The following MPDZ variants were observed in gnomAD, a reference collection of about 807,000 sequenced individuals.
MPDZ encodes multiple PDZ domain protein.
Under a neutral mutation model 239.1 loss-of-function variants are expected in MPDZ, and 234 were observed. The observed-to-expected ratio is 0.98, with a 90% CI of 0.88 to 1.09. The LOEUF is 1.09. Among genes scored for constraint, MPDZ ranks in the 50% least tolerant of loss-of-function variants. The probability of loss-of-function intolerance (pLI) is 0.00; values close to 1 mark genes in which losing one functional copy is unlikely to be tolerated. For missense variants in MPDZ, 3,175 were observed against 2,510.0 expected (o/e 1.26, Z -5.66); for synonymous variants, 1,048 against 881.3 (o/e 1.19, Z -3.35).
At chr9:13,246,272 T>C (rs1217173298) in intron 3 of MPDZ, among the ~76,000 whole-genome samples, 2 of 152,032 alleles carry the variant, frequency 1.3e-5, no homozygotes, top group African/African-American at 4.8e-5. Flanking sequence ...TGAAACCCCA[T>C]CTCTACTAAA....
intron 41 of MPDZ, 114 bp from the exon 42 acceptor site, chr9:13,113,168 A>G: frequency 1.2e-6 from 1 of 865,796 alleles, no homozygotes; most frequent in Non-Finnish European, 1.8e-6. Flanking sequence ...TCTTTTTTTA[A>G]GGGGGTGCTC....
rs1423009746 is a variant in MPDZ, at chr9:13,176,238, T to C, written c.2829A>G (p.Gln943=). The part of the protein sequence containing the change: ...DYTPANAIEQ[Q]YECENTIVWT... Reference sequence around the variant, plus strand: ...ACACTATTGTGTTTTCACATTCATATTGTTGTTCAATAGCATTTGCAGGTG... The same window carrying C: ...ACACTATTGTGTTTTCACATTCATACTGTTGTTCAATAGCATTTGCAGGTG... Residue 943 remains glutamine (Q), a synonymous_variant, in exon 20 of 47, where the codon CAA becomes CAG. Coordinates refer to ENST00000319217, the MANE Select transcript of MPDZ (RefSeq NM_001378778.1). 4 of 1,606,518 alleles carry C rather than the reference T, an allele frequency of 2.5e-6. 1 individual carries two copies. The highest frequency in any genetic ancestry group is 2.2e-5 in the South Asian group (2 of 89,626).
intron 39 of MPDZ, among the ~76,000 whole-genome samples, chr9:13,116,270 ATGTGATTTATTAGCTG>A (rs951349626): frequency 1.3e-5 from 2 of 152,186 alleles, no homozygotes; most frequent in Admixed American, 6.5e-5. Context: ...AATCCAGACT[ATGTGATTTATTAGCTG>A]TGTGACTGTA....
chr9:13,182,498 C>T (rs1435487328), intron 19 of MPDZ, among the ~76,000 whole-genome samples: 1 of 151,970 alleles, frequency 6.6e-6, no homozygotes, highest in East Asian at 1.9e-4. Context: ...TTTTACTACA[C>T]ACATGTACAT....
chr9:13,122,274 G>T (rs919776340), intron 36 of MPDZ, 104 bp from the exon 37 acceptor site: 4 of 1,004,512 alleles, frequency 4.0e-6, no homozygotes, highest in South Asian at 1.5e-5. Context: ...AGCAATAAGG[G>T]TTATAAACTC....
At chr9:13,197,040 G>C (rs907110523) in intron 12 of MPDZ, among the ~76,000 whole-genome samples, 4 of 151,662 alleles carry the variant, frequency 2.6e-5, no homozygotes, top group Non-Finnish European at 4.4e-5. Flanking sequence ...CTTATTAGTT[G>C]CCTCCTCTTT....
chr9:13,179,086 T>C (rs764007458), intron 19 of MPDZ, among the ~76,000 whole-genome samples: 1 of 152,174 alleles, frequency 6.6e-6, no homozygotes, highest in Non-Finnish European at 1.5e-5. Context: ...ATTATCTCTC[T>C]AGAATTATCA....
intron 3 of MPDZ, among the ~76,000 whole-genome samples, chr9:13,242,824 G>C (rs1258091312): frequency 6.6e-6 from 1 of 152,068 alleles, no homozygotes; most frequent in Non-Finnish European, 1.5e-5. Flanking sequence ...ATTTTTTGCT[G>C]TAGGAGGCTG....
Position 13,109,016 on chromosome 9 carries a change from C to T in MPDZ, c.5986G>A (p.Gly1996Ser). ...KSITLERGPD[G>S]LGFSIVGGYG... ...CCTCCAACTATACTGAAGCCTAAGC[C>T]ATCTGGTCCTCGCTCTAGTGTAATA... is the stretch of plus-strand genomic sequence containing the variant. The change falls in exon 46 of 47, where the codon GGC becomes AGC. Residue 1996 changes from glycine (G) to serine (S), a missense_variant. Transcript: ENST00000319217. The T allele has an allele frequency of 6.3e-7, 1 of 1,594,336 alleles. No homozygotes were observed. The highest frequency in any genetic ancestry group is 1.3e-5 in the African/African-American group (1 of 74,484).
intron 39 of MPDZ, among the ~76,000 whole-genome samples, chr9:13,116,253 T>C (rs1943429078): frequency 6.6e-6 from 1 of 152,222 alleles, no homozygotes; most frequent in African/African-American, 2.4e-5. Context: ...TTGGAGTCAC[T>C]GGATTAAATC....
Position 13,236,197 on chromosome 9 carries a change from A to ATATGTGTG in MPDZ, c.183+11437_183+11438insCACACATA, listed in dbSNP as rs1554715983. ...TTTGTGTGTGTGTGTTTCTGTATAT[A>ATATGTGTG]TGTGTGTGTGTGTGTGTGTGTGTGT... On this transcript the variant is annotated intron_variant, in intron 3 of 46. Transcript: ENST00000319217. Among the ~76,000 whole-genome samples, 439 of 76,954 alleles carry ATATGTGTG rather than the reference A, an allele frequency of 5.7e-3. 2 individuals carry two copies. The highest frequency in any genetic ancestry group is 8.3e-3 in the Non-Finnish European group (342 of 41,104). 50.5% of individuals were successfully genotyped at this position (76,954 alleles called of 152,430 possible).
chr9:13,240,520 T>C (rs181344985), intron 3 of MPDZ, among the ~76,000 whole-genome samples: 2 of 142,956 alleles, frequency 1.4e-5, no homozygotes, highest in Admixed American at 1.5e-4. Context: ...AGTTTTTCCA[T>C]CTTATTTGTT....
chr9:13,202,762 G>C (rs1395874522), intron 12 of MPDZ, among the ~76,000 whole-genome samples: 1 of 152,206 alleles, frequency 6.6e-6, no homozygotes, highest in Admixed American at 6.6e-5. Flanking sequence ...ATGCCAGTTT[G>C]AGGAAGGGTG....
At chr9:13,160,859 T>TATATATATATAA (rs1563931064) in intron 23 of MPDZ, among the ~76,000 whole-genome samples, 3 of 120,930 alleles carry the variant, frequency 2.5e-5, no homozygotes, top group Non-Finnish European at 5.3e-5. Flanking sequence ...TATATATATA[T>TATATATATATAA]ATATATATAT....
At chr9:13,246,142 A>G (rs1966536472) in intron 3 of MPDZ, among the ~76,000 whole-genome samples, 1 of 152,174 alleles carries the variant, frequency 6.6e-6, no homozygotes, top group Admixed American at 6.5e-5. Flanking sequence ...ATCCATTCTG[A>G]AAACCAGTAC....
intron 3 of MPDZ, among the ~76,000 whole-genome samples, chr9:13,241,069 A>C (rs1046021252): frequency 5.3e-5 from 8 of 152,160 alleles, no homozygotes; most frequent in South Asian, 2.1e-4. Context: ...GGTAAAACAA[A>C]AATTTTAGTC....
At chr9:13,156,896 T>C (rs756710244) in intron 24 of MPDZ, among the ~76,000 whole-genome samples, 2 of 152,166 alleles carry the variant, frequency 1.3e-5, no homozygotes, top group Admixed American at 6.6e-5. Context: ...CTAGCACTTA[T>C]ACCCTGTTCT....
intron 14 of MPDZ, among the ~76,000 whole-genome samples, chr9:13,192,583 A>C (rs1955085082): frequency 6.6e-6 from 1 of 152,168 alleles, no homozygotes; most frequent in African/African-American, 2.4e-5. Context: ...ATATTTCCAA[A>C]GAATGAAAAG....
rs1958390801 is a variant in MPDZ, at chr9:13,216,701, A to C, written c.1290+73T>G. 5 of 1,176,352 alleles carry C rather than the reference A, an allele frequency of 4.3e-6. No individual in the cohort carries two copies. In the Admixed American group the frequency reaches 1.1e-4, roughly 26 times the overall value. The allele number at this position is 1,176,352 out of a possible 1,614,324, so 72.9% of individuals were successfully genotyped here. On this transcript the variant is annotated intron_variant, in intron 10 of 46. Coordinates refer to ENST00000319217, the MANE Select transcript of MPDZ (RefSeq NM_001378778.1). ...GTACAGAGTTAACTCTAGCTCTCAA[A>C]ACTAAGTAAACTAGGAGAATACAAT...
Sources: allele counts gnomAD v4.1 joint callset (sites outside exome capture counted in the v4.1 genomes callset), GRCh38; gene constraint gnomAD v4.1.1; transcripts MANE v1.5; gene names NCBI Gene and HGNC (gene_info 2026-07-23, HGNC 2026-07-21).